The following PRKN variants were observed in gnomAD, a reference collection of about 807,000 sequenced individuals.
PRKN encodes the protein parkin RBR E3 ubiquitin protein ligase, also known as E3 ubiquitin-protein ligase parkin.
Under a neutral mutation model 59.5 loss-of-function variants are expected in PRKN, and 56 were observed. The ratio of observed to expected loss-of-function variants is 0.94; its 90% CI spans 0.76 to 1.18. The LOEUF (loss-of-function observed/expected upper bound fraction) is 1.18, where lower values mean the gene tolerates loss of function less well. Ranked by LOEUF, PRKN falls within the 50% of genes most tolerant of loss-of-function variation. The probability of loss-of-function intolerance (pLI) is 0.00; values close to 1 mark genes in which losing one functional copy is unlikely to be tolerated. For missense variants in PRKN, 657 were observed against 596.4 expected, an observed-to-expected ratio of 1.10 and a Z score of -1.06; for synonymous variants, 250 against 222.1, an observed-to-expected ratio of 1.13 and a Z score of -1.12.
At chr6:161,479,271 A>ACTATCTACGCATT (rs1372615075) in intron 9 of PRKN, among the ~76,000 whole-genome samples, 2 of 152,200 alleles carry the variant, frequency 1.3e-5, no homozygotes, top group African/African-American at 4.8e-5. Context: ...TTCATAAAAC[A>ACTATCTACGCATT]CTATCTACGC....
intron 9 of PRKN, among the ~76,000 whole-genome samples, chr6:161,392,533 CTA>C (rs536588095): frequency 6.7e-6 from 1 of 149,020 alleles, no homozygotes; most frequent in African/African-American, 2.5e-5. Flanking sequence ...CTCTCTCTCG[CTA>C]TATATATATA....
At chr6:161,846,846 C>T (rs1222065205) in intron 6 of PRKN, among the ~76,000 whole-genome samples, 1 of 152,186 alleles carries the variant, frequency 6.6e-6, no homozygotes, top group Non-Finnish European at 1.5e-5. Flanking sequence ...TTGCATTGTT[C>T]ACCTTCTCAG....
intron 1 of PRKN, among the ~76,000 whole-genome samples, chr6:162,630,508 AT>A (rs1783067990): frequency 6.6e-6 from 1 of 152,166 alleles, no homozygotes. Flanking sequence ...AGAGGTAATC[AT>A]TATCTAAAAT....
intron 9 of PRKN, among the ~76,000 whole-genome samples, chr6:161,455,635 G>A (rs61663530): frequency 6.6e-6 from 1 of 152,042 alleles, no homozygotes; most frequent in Non-Finnish European, 1.5e-5. Context: ...GGAGGCTGAC[G>A]CGGGCAGATC....
chr6:161,724,007 T>A (rs1457709614), intron 7 of PRKN, among the ~76,000 whole-genome samples: 1 of 152,178 alleles, frequency 6.6e-6, no homozygotes, highest in East Asian at 1.9e-4. Flanking sequence ...CCTTCCATTG[T>A]GAGTGTGTTT....
At position 162,224,664 on chromosome 6, in the gene PRKN, AGGAATCTATCTTGAG is replaced by A. The variant is rs538249997; in HGVS notation, c.413-23427_413-23413del. Among the ~76,000 whole-genome samples, 1,070 of 152,284 alleles carry A rather than the reference AGGAATCTATCTTGAG, an allele frequency of 7.0e-3. 7 individuals carry two copies. The highest frequency in any genetic ancestry group is 0.025 in the African/African-American group (1,029 of 41,572). On this transcript the variant is annotated intron_variant, in intron 3 of 11. Transcript: ENST00000366898. Reference sequence around the variant, plus strand: ...ACAGAGAGGCTGCAGGCCTTCTGGAAGGAATCTATCTTGAGGGAAGTAGGCCTGGGGAATTGGATG... The same window carrying A: ...ACAGAGAGGCTGCAGGCCTTCTGGAAGGAAGTAGGCCTGGGGAATTGGATG...
chr6:162,212,395 T>A (rs1469046815), intron 3 of PRKN, among the ~76,000 whole-genome samples: 2 of 145,254 alleles, frequency 1.4e-5, no homozygotes, highest in Non-Finnish European at 3.0e-5. Flanking sequence ...CTGTGAATGA[T>A]CAAGTAATTA....
intron 3 of PRKN, among the ~76,000 whole-genome samples, chr6:162,239,562 C>A (rs1229910575): frequency 6.6e-6 from 1 of 151,938 alleles, no homozygotes. Flanking sequence ...ATCTCGGCTT[C>A]GTGGGAGTTG....
intron 1 of PRKN, among the ~76,000 whole-genome samples, chr6:162,469,350 A>T (rs79811593): frequency 1.1e-4 from 1 of 9,516 alleles, no homozygotes. Flanking sequence ...GGGGGGTTGC[A>T]GGGGGGGGTG....
In PRKN at chr6:161,379,186, T is replaced by C. The variant is rs1785862951; in HGVS notation, c.1167+7608A>G. 6.6e-6 allele frequency among the ~76,000 whole-genome samples: 1 copy of C among 152,134 alleles called. No individual in the cohort carries two copies. On this transcript the variant is annotated intron_variant, in intron 10 of 11. Coordinates refer to ENST00000366898, the MANE Select transcript of PRKN (RefSeq NM_004562.3). The surrounding 1 kb of genome is among the most constrained non-coding windows in gnomAD (Gnocchi z 4.9). Reference sequence around the variant, plus strand: ...TCTCTTGGTCCTCCCCTGCCCAATGTTGATAGCAAATCATTCAGTAGTCAT... The same window carrying C: ...TCTCTTGGTCCTCCCCTGCCCAATGCTGATAGCAAATCATTCAGTAGTCAT...
At chr6:161,603,934 T>C (rs572384900) in intron 7 of PRKN, among the ~76,000 whole-genome samples, 4 of 152,210 alleles carry the variant, frequency 2.6e-5, no homozygotes, top group African/African-American at 9.6e-5. Context: ...TCTCAATTAG[T>C]ACCCGTATAA....
chr6:161,586,707 C>T (rs1393873785), intron 7 of PRKN, among the ~76,000 whole-genome samples: 4 of 152,128 alleles, frequency 2.6e-5, no homozygotes, highest in East Asian at 1.9e-4. Flanking sequence ...TATTAAAGAA[C>T]GGAAGCCATC....
chr6:162,170,081 T>C (rs1403867480), intron 4 of PRKN, among the ~76,000 whole-genome samples: 2 of 152,180 alleles, frequency 1.3e-5, no homozygotes, highest in African/African-American at 4.8e-5. Flanking sequence ...TACAGGAGAG[T>C]GGCTCCCTGG....
At chr6:161,904,989 G>A (rs549173386) in intron 6 of PRKN, among the ~76,000 whole-genome samples, 4 of 152,138 alleles carry the variant, frequency 2.6e-5, no homozygotes, top group African/African-American at 9.6e-5. Context: ...ACTCTTACAC[G>A]GACTTAAATT....
intron 4 of PRKN, among the ~76,000 whole-genome samples, chr6:162,173,552 A>G (rs949038249): frequency 2.3e-4 from 32 of 140,620 alleles, no homozygotes; most frequent in African/African-American, 8.1e-4. Flanking sequence ...TTTTTTTTTA[A>G]ATTAAACAGA....
chr6:162,560,853 C>CAAAAAAAAAA lies in PRKN; in HGVS notation c.8-117390_8-117381dup, dbSNP rs60391138. On this transcript the variant is annotated intron_variant, in intron 1 of 11. Transcript: ENST00000366898. The stretch of plus-strand genomic sequence containing the variant: ...CAATTAAAGCCCAGAGAGAGAGAGG[C>CAAAAAAAAAA]AAAAAAAAAAAAAACCCAGGTCATT... 8.3e-3 allele frequency among the ~76,000 whole-genome samples: 468 copies of CAAAAAAAAAA among 56,502 alleles called. 98 individuals are homozygous for CAAAAAAAAAA. The highest frequency in any genetic ancestry group is 0.031 in the African/African-American group (390 of 12,408). 37.1% of individuals were successfully genotyped at this position (56,502 alleles called of 152,430 possible).
chr6:161,869,984 C>T (rs775929488), intron 6 of PRKN, among the ~76,000 whole-genome samples: 1 of 152,090 alleles, frequency 6.6e-6, no homozygotes, highest in Non-Finnish European at 1.5e-5. Context: ...TCCTTTTTTA[C>T]TTAAAAAACA....
chr6:161,945,593 C>T (rs1779749584), intron 6 of PRKN, among the ~76,000 whole-genome samples: 1 of 152,188 alleles, frequency 6.6e-6, no homozygotes, highest in South Asian at 2.1e-4. Context: ...ACCTATCTTT[C>T]TTTTTATCTC....
At chr6:161,836,198 A>G (rs901964790) in intron 6 of PRKN, among the ~76,000 whole-genome samples, 3 of 152,090 alleles carry the variant, frequency 2.0e-5, no homozygotes, top group African/African-American at 7.2e-5. Context: ...TCTGGTCTCA[A>G]TGCAGTAGTA....
Sources: allele counts gnomAD v4.1 joint callset (sites outside exome capture counted in the v4.1 genomes callset), GRCh38; gene constraint gnomAD v4.1.1; non-coding constraint Gnocchi (gnomAD v3.1); transcripts MANE v1.5; gene names NCBI Gene and HGNC (gene_info 2026-07-23, HGNC 2026-07-21).